Variants in EFCAB6 observed in about 807,000 individuals in gnomAD.
The protein encoded by EFCAB6 is EF-hand calcium binding domain 6.
A neutral mutation model predicts 169.8 loss-of-function variants in EFCAB6; 156 were observed. The observed-to-expected ratio is 0.92, with a 90% CI of 0.81 to 1.05. The LOEUF is 1.05. Among genes scored for constraint, EFCAB6 ranks in the 50% least tolerant of loss-of-function variants. The pLI is 0.00. For missense variants in EFCAB6, 1,800 were observed against 1,829.1 expected (o/e 0.98, Z 0.29); for synonymous variants, 698 against 676.4 (o/e 1.03, Z -0.50).
Position 43,537,428 on chromosome 22 carries a change from T to C in EFCAB6, c.3997A>G (p.Lys1333Glu). The C allele has an allele frequency of 5.0e-6, 8 of 1,614,134 alleles. No individual in the cohort carries two copies. The highest frequency in any genetic ancestry group is 1.7e-5 in the Admixed American group (1 of 60,022). ...CCCTGTCTGGCCACGTCCTTCTCCT[T>C]GCATTCTTTCAGGAGCTGGCGCCAG... ...GCWRQLLKECKEKDVARQGDI... is the reference protein window; with the variant it reads ...GCWRQLLKECEEKDVARQGDI... Residue 1333 changes from lysine to glutamate, a missense_variant, in exon 29 of 32, where the codon AAG (lysine) becomes GAG (glutamate). Lys to Glu is a moderately conservative substitution (Grantham distance 56). Transcript: ENST00000262726. This position sits in a 1 kb window ranked among gnomAD's most constrained non-coding sequence, Gnocchi z 4.3.
chr22:43,727,887 A>T (rs577523262), intron 8 of EFCAB6, among the ~76,000 whole-genome samples: 1 of 151,742 alleles, frequency 6.6e-6, no homozygotes, highest in African/African-American at 2.4e-5. Flanking sequence ...GGCTTCAAGA[A>T]GTTTTTTTTT....
chr22:43,614,755 C>G (rs1411033958), intron 21 of EFCAB6, among the ~76,000 whole-genome samples: 1 of 152,316 alleles, frequency 6.6e-6, no homozygotes, highest in South Asian at 2.1e-4. Flanking sequence ...ATGGAGTTCA[C>G]AGCACAGACA....
chr22:43,688,864 C>T (rs962254553), intron 10 of EFCAB6, among the ~76,000 whole-genome samples: 3 of 152,172 alleles, frequency 2.0e-5, no homozygotes, highest in African/African-American at 7.2e-5. Flanking sequence ...TCAAAGTGGG[C>T]ATGAAACAGA....
chr22:43,572,163 C>A lies in EFCAB6; in HGVS notation c.3420+4134G>T, dbSNP rs889388189. On this transcript the variant is annotated intron_variant, in intron 26 of 31. Transcript: ENST00000262726. This position sits in a 1 kb window ranked among gnomAD's most constrained non-coding sequence, Gnocchi z 4.0. ...CTCAAGCACATTTCTCCTCTTCACT[C>A]TTGCTGCAATTTTCTCATGAGGATG... is the stretch of plus-strand genomic sequence containing the variant. Among the ~76,000 whole-genome samples the A allele has an allele frequency of 6.6e-6, 1 of 152,196 alleles. No homozygotes were observed. The highest frequency in any genetic ancestry group is 2.4e-5 in the African/African-American group (1 of 41,446).
At chr22:43,636,720 C>G (rs188251259) in intron 17 of EFCAB6, among the ~76,000 whole-genome samples, 14 of 151,156 alleles carry the variant, frequency 9.3e-5, no homozygotes, top group Admixed American at 7.9e-4. Flanking sequence ...AAGTGATTCT[C>G]CTGCCTCAGC....
At chr22:43,657,134 AC>A (rs68036194) in intron 17 of EFCAB6, among the ~76,000 whole-genome samples, 8 of 152,204 alleles carry the variant, frequency 5.3e-5, no homozygotes, top group East Asian at 1.9e-4. Flanking sequence ...TACAAAAAAA[AC>A]CCCACAAAAG....
chr22:43,705,643 C>A (rs1569419238), intron 10 of EFCAB6, among the ~76,000 whole-genome samples: 1 of 151,770 alleles, frequency 6.6e-6, no homozygotes, highest in East Asian at 1.9e-4. Context: ...TAATAAATAA[C>A]AACAAACAAT....
At chr22:43,575,189 G>GTTGTTGT (rs774213320) in intron 26 of EFCAB6, among the ~76,000 whole-genome samples, 3 of 148,352 alleles carry the variant, frequency 2.0e-5, no homozygotes, top group African/African-American at 4.9e-5. Flanking sequence ...TGTTGTTGTT[G>GTTGTTGT]TTGTTTGTTT....
Position 43,572,115 on chromosome 22 carries a change from A to T in EFCAB6, c.3420+4182T>A, listed in dbSNP as rs2049923673. Among the ~76,000 whole-genome samples, 1 of 152,182 alleles carries T rather than the reference A, an allele frequency of 6.6e-6. No individual in the cohort carries two copies. Among genetic ancestry groups the T allele is most frequent in the Non-Finnish European group, 1.5e-5 (1 of 68,032 alleles). On this transcript the variant is annotated intron_variant, in intron 26 of 31. Transcript: ENST00000262726. The surrounding 1 kb of genome is among the most constrained non-coding windows in gnomAD (Gnocchi z 4.0). ...TGCCACCTCTGCATCCACGGTTCCT[A>T]GTCCACCGTGGTTAGTCCCTGTCTC...
chr22:43,641,865 G>A (rs1602866409), intron 17 of EFCAB6, among the ~76,000 whole-genome samples: 1 of 152,176 alleles, frequency 6.6e-6, no homozygotes, highest in Non-Finnish European at 1.5e-5. Flanking sequence ...GGGAGCCAAG[G>A]GAGAGATTCC....
chr22:43,602,125 C>T (rs191524452), intron 22 of EFCAB6, among the ~76,000 whole-genome samples: 3 of 152,202 alleles, frequency 2.0e-5, no homozygotes, highest in Admixed American at 6.5e-5. Context: ...AGCTGGGAGC[C>T]GTCCCGGGCA....
In EFCAB6 at chr22:43,683,814, GTGA is replaced by G. The variant is rs771171551; in HGVS notation, c.1181_1183del (p.Ile394del). 1.9e-6 allele frequency: 3 copies of G among 1,613,612 alleles called. No homozygotes were observed. The highest frequency in any genetic ancestry group is 4.5e-5 in the East Asian group (2 of 44,882). On this transcript the variant is annotated inframe_deletion, in exon 12 of 32. Coordinates refer to ENST00000262726, the MANE Select transcript of EFCAB6 (RefSeq NM_022785.4). ...ATCTTCAGTGTGTCTAAATAACTTT[GTGA>G]TGATGTTTTCCTTGTGAGATTCATT...
intron 17 of EFCAB6, among the ~76,000 whole-genome samples, chr22:43,660,260 G>A (rs2056939943): frequency 6.6e-6 from 1 of 152,058 alleles, no homozygotes; most frequent in Non-Finnish European, 1.5e-5. Flanking sequence ...TATGTTCCCC[G>A]TGGGTCACTG....
intron 8 of EFCAB6, among the ~76,000 whole-genome samples, chr22:43,718,645 T>C (rs985916285): frequency 2.0e-5 from 3 of 152,124 alleles, no homozygotes; most frequent in African/African-American, 7.2e-5. Context: ...GAGCCGGTCA[T>C]TGCGGCACGC....
At chr22:43,797,851 T>C (rs1448637827) in intron 2 of EFCAB6, among the ~76,000 whole-genome samples, 1 of 152,198 alleles carries the variant, frequency 6.6e-6, no homozygotes, top group Non-Finnish European at 1.5e-5. Flanking sequence ...TCAACCACAC[T>C]GGCAGTCCCT....
In EFCAB6 at chr22:43,632,297, T is replaced by TTTC; in HGVS notation, c.2099-60_2099-59insGAA. The TTTC allele has an allele frequency of 1.7e-5, 15 of 870,628 alleles. No homozygotes were observed. In the East Asian group the frequency reaches 7.7e-4, roughly 45 times the overall value. The allele number at this position is 870,628 out of a possible 1,614,324, so 53.9% of individuals were successfully genotyped here. On this transcript the variant is annotated intron_variant, in intron 18 of 31. Transcript: ENST00000262726. Reference sequence around the variant, plus strand: ...GTGCCCATCAGCTTCATTCCTTCTTTTTTTTTTTTTTTTTTTTTTGAGACG... The same window carrying TTTC: ...GTGCCCATCAGCTTCATTCCTTCTTTTTCTTTTTTTTTTTTTTTTTTTGAGACG...
In EFCAB6 at chr22:43,619,525, G is replaced by A. The variant is rs914367690; in HGVS notation, c.2466-3603C>T. 2.0e-5 allele frequency among the ~76,000 whole-genome samples: 3 copies of A among 152,080 alleles called. No individual in the cohort carries two copies. The East Asian group carries it at 5.8e-4, about 29-fold the overall frequency. ...GATGTTGAAATTATCAGATTGTAAA[G>A]CAGCTATTATATTCATGAAGAGCAA... On this transcript the variant is annotated intron_variant, in intron 20 of 31. Transcript: ENST00000262726.
intron 2 of EFCAB6, among the ~76,000 whole-genome samples, chr22:43,790,677 T>C (rs1455002302): frequency 6.6e-6 from 1 of 151,886 alleles, no homozygotes; most frequent in East Asian, 1.9e-4. Context: ...CTCTAGGGGG[T>C]TAGTGCAGAG....
intron 2 of EFCAB6, among the ~76,000 whole-genome samples, chr22:43,807,616 A>G (rs1337143345): frequency 6.6e-6 from 1 of 152,218 alleles, no homozygotes; most frequent in Non-Finnish European, 1.5e-5. Context: ...ACAAGAGTAA[A>G]AAGTGTGCAC....
Sources: gnomAD v4.1 joint callset for allele counts (sites outside exome capture counted in the v4.1 genomes callset) on GRCh38, gnomAD v4.1.1 for gene constraint, Gnocchi (gnomAD v3.1) non-coding constraint, MANE v1.5 for transcripts, NCBI Gene and HGNC (gene_info 2026-07-23, HGNC 2026-07-21) for gene names.